Variants in ADSS1 observed in about 807,000 individuals in gnomAD.
ADSS1 encodes adenylosuccinate synthase 1.
A neutral mutation model predicts 59.1 loss-of-function variants in ADSS1; 57 were observed. That is an observed-to-expected ratio of 0.97 (90% CI 0.78 to 1.20). The LOEUF is 1.20. Among genes scored for constraint, ADSS1 ranks in the 50% most tolerant of loss-of-function variants. The probability of loss-of-function intolerance (pLI) is 0.00; values close to 1 mark genes in which losing one functional copy is unlikely to be tolerated. For missense variants in ADSS1, 603 were observed against 610.3 expected (o/e 0.99, Z 0.13); for synonymous variants, 247 against 249.4 (o/e 0.99, Z 0.09).
chr14:104,725,677 G>A (rs1242532510), intron 1 of ADSS1, among the ~76,000 whole-genome samples: 1 of 152,160 alleles, frequency 6.6e-6, no homozygotes, highest in Admixed American at 6.5e-5. Context: ...CTCAGCCCAT[G>A]CTCCCTCCAC....
chr14:104,736,881 GATATATATATATATAT>G (rs57122419), intron 2 of ADSS1, among the ~76,000 whole-genome samples: 137 of 106,500 alleles, frequency 1.3e-3, no homozygotes, highest in Non-Finnish European at 1.6e-3. Context: ...GCACCTAGCT[GATATATATATATATAT>G]ATATATATAT....
chr14:104,730,549 G>A (rs1162978932), intron 1 of ADSS1, among the ~76,000 whole-genome samples: 1 of 152,182 alleles, frequency 6.6e-6, no homozygotes, highest in Non-Finnish European at 1.5e-5. Context: ...GGCAGCCCTG[G>A]AGACTATAGA....
At position 104,746,984 on chromosome 14, in the gene ADSS1, C is replaced by T. The variant is rs146322396; in HGVS notation, c.1355C>T (p.Ser452Leu). The T allele has an allele frequency of 4.3e-5, 69 of 1,614,002 alleles. 1 individual carries two copies. In the South Asian group the frequency reaches 4.6e-4, roughly 11 times the overall value. ...KWVGVGKSRE[S>L]MIQLF ...GTTGGTGTTGGCAAGTCAAGAGAGT[C>T]GATGATCCAGCTGTTTTAGTCACAG... The change falls in exon 13 of 13, where the codon TCG becomes TTG. Residue 452 changes from serine to leucine, a missense_variant. By Grantham distance (145) the Ser-to-Leu change is moderately radical (BLOSUM62 -2). Coordinates refer to ENST00000330877, the MANE Select transcript of ADSS1 (RefSeq NM_152328.5).
At position 104,744,810 on chromosome 14, in the gene ADSS1, A is replaced by C. The variant is rs145054331; in HGVS notation, c.1074-2A>C. On this transcript the variant is annotated splice_acceptor_variant, in intron 10 of 12. Transcript: ENST00000330877. LOFTEE classifies it high-confidence loss of function. ...TTTGCCCGGCCCCTTGGCTTTCCAC[A>C]GGCTGGCCCTGACGAAGCTGGACAT... The C allele has an allele frequency of 1.2e-6, 2 of 1,613,998 alleles. No homozygotes were observed. The highest frequency in any genetic ancestry group is 1.7e-6 in the Non-Finnish European group (2 of 1,180,006).
At chr14:104,726,189 C>T (rs949626673) in intron 1 of ADSS1, among the ~76,000 whole-genome samples, 2 of 152,236 alleles carry the variant, frequency 1.3e-5, no homozygotes, top group African/African-American at 4.8e-5. Flanking sequence ...CCACACCTGT[C>T]CCCCTGCAGC....
At chr14:104,724,779 G>A (rs1286351579) in intron 1 of ADSS1, among the ~76,000 whole-genome samples, 1 of 152,136 alleles carries the variant, frequency 6.6e-6, no homozygotes, top group East Asian at 1.9e-4. Flanking sequence ...CCATGGGTGT[G>A]ACGCTGGACC....
chr14:104,742,947 G>A, intron 9 of ADSS1, 120 bp from the exon 10 acceptor site: 1 of 1,445,270 alleles, frequency 6.9e-7, no homozygotes, highest in African/African-American at 1.4e-5. Flanking sequence ...GACTGTCGGT[G>A]GAGGCGGGGC....
chr14:104,735,205 C>T, intron 2 of ADSS1, 83 bp downstream of exon 2: 1 of 1,279,510 alleles, frequency 7.8e-7, no homozygotes, highest in Non-Finnish European at 1.1e-6. Context: ...GGGCACGGGG[C>T]ACCAGAGCCT....
chr14:104,724,430 GC>G lies in ADSS1; in HGVS notation c.162del (p.Thr55ArgfsTer67). ...CAAAGGCAAGGTGGTGGACCTGCTGGCCACGGACGCCGACATCATCAGCCGC... is the reference window on the plus strand; with the variant it reads ...CAAAGGCAAGGTGGTGGACCTGCTGGCACGGACGCCGACATCATCAGCCGC... ...EGKGKVVDLL[A>X]TDADIISRCQ... On this transcript the variant is annotated frameshift_variant, in exon 1 of 13. Transcript: ENST00000330877. LOFTEE classifies it high-confidence loss of function. The G allele has an allele frequency of 7.9e-7, 1 of 1,260,470 alleles. No homozygotes were observed. Among genetic ancestry groups the G allele is most frequent in the Non-Finnish European group, 1.0e-6 (1 of 997,826 alleles). The allele number at this position is 1,260,470 out of a possible 1,614,324, so 78.1% of individuals were successfully genotyped here.
At chr14:104,736,538 G>A (rs1360051145) in intron 2 of ADSS1, among the ~76,000 whole-genome samples, 7 of 152,114 alleles carry the variant, frequency 4.6e-5, no homozygotes, top group Non-Finnish European at 8.8e-5. Flanking sequence ...GGCTTGCGTC[G>A]TCTCCGGGTC....
At chr14:104,732,018 GC>G (rs1164960391) in intron 1 of ADSS1, among the ~76,000 whole-genome samples, 1 of 152,226 alleles carries the variant, frequency 6.6e-6, no homozygotes, top group Non-Finnish European at 1.5e-5. Flanking sequence ...CCTCCGGACT[GC>G]CCTGCACACC....
At chr14:104,735,532 G>A (rs902988094) in intron 2 of ADSS1, among the ~76,000 whole-genome samples, 1 of 152,182 alleles carries the variant, frequency 6.6e-6, no homozygotes, top group African/African-American at 2.4e-5. Context: ...TCGCTGCGTG[G>A]CGACCAGGCT....
intron 3 of ADSS1, 110 bp from the exon 4 acceptor site, chr14:104,739,218 C>A: frequency 8.5e-7 from 1 of 1,178,546 alleles, no homozygotes; most frequent in Admixed American, 2.1e-5. Context: ...CTCCTCCCTG[C>A]ATGCCTTACC....
chr14:104,739,782 C>T lies in ADSS1; in HGVS notation c.442C>T (p.Gln148Ter), dbSNP rs781756056. 1.2e-6 allele frequency: 2 copies of T among 1,613,932 alleles called. No individual in the cohort carries two copies. The highest frequency in any genetic ancestry group is 3.3e-5 in the Admixed American group (2 of 60,008). The change falls in exon 5 of 13, where the codon CAG becomes TAG. Residue 148 changes from glutamine to a stop codon, truncating the protein, a stop_gained. Transcript: ENST00000330877. LOFTEE classifies it high-confidence loss of function. ...TTTTCACCAGGCTGTCGACGGACTT[C>T]AGGAAGTGCAGCGCCAGGCACAAGA... ...FDFHQAVDGLQEVQRQAQEGK... is the reference protein window; with the variant it reads ...FDFHQAVDGL
rs372820652 is a variant in ADSS1 at position 104,742,001 on chromosome 14, A to T, written c.947A>T (p.Asn316Ile). ...GIGAFPTEQI[N>I]EIGGLLQTRG... ...GGGGCCTTCCCCACCGAGCAGATCAACGTGAGTCCCCAGCCCCTCGGGACC... is the reference window on the plus strand; with the variant it reads ...GGGGCCTTCCCCACCGAGCAGATCATCGTGAGTCCCCAGCCCCTCGGGACC... The change falls in exon 9 of 13, where the codon AAC becomes ATC. Residue 316 changes from asparagine to isoleucine, a missense_variant and splice_region_variant. Asn to Ile is a moderately radical substitution (Grantham distance 149). Transcript: ENST00000330877. 11 of 1,612,590 alleles carry T rather than the reference A, an allele frequency of 6.8e-6. No individual in the cohort carries two copies. The highest frequency in any genetic ancestry group is 9.3e-6 in the Non-Finnish European group (11 of 1,179,842).
rs758261817 is a variant in ADSS1 at position 104,739,282 on chromosome 14, A to G, written c.359-46A>G. ...CTCTGGCCCCTCACGTGTGAGCTGC[A>G]GCGCACCTGTGAACACTGACCCACC... On this transcript the variant is annotated intron_variant, in intron 3 of 12. Coordinates refer to ENST00000330877, the MANE Select transcript of ADSS1 (RefSeq NM_152328.5). 2.3e-5 allele frequency: 36 copies of G among 1,583,872 alleles called. No individual in the cohort carries two copies. The East Asian group carries it at 3.9e-4, about 17-fold the overall frequency.
At chr14:104,739,894 C>T in intron 5 of ADSS1, 78 bp downstream of exon 5, 1 of 1,504,414 alleles carries the variant, frequency 6.6e-7, no homozygotes, top group Admixed American at 1.7e-5. Flanking sequence ...CGTGTCTGGT[C>T]CTGGGCACAA....
At position 104,739,737 on chromosome 14, in the gene ADSS1, G is replaced by C. The variant is rs1891265984; in HGVS notation, c.410-13G>C. Reference sequence around the variant, plus strand: ...TCCTGTCTCCTGCTGCCCTCACCTGGCCCGCCCGACAGTGTTTGATTTTCA... The same window carrying C: ...TCCTGTCTCCTGCTGCCCTCACCTGCCCCGCCCGACAGTGTTTGATTTTCA... On this transcript the variant is annotated splice_polypyrimidine_tract_variant and intron_variant, in intron 4 of 12. Transcript: ENST00000330877. The C allele has an allele frequency of 4.3e-6, 7 of 1,613,598 alleles. No individual in the cohort carries two copies. Among genetic ancestry groups the C allele is most frequent in the Non-Finnish European group, 5.9e-6 (7 of 1,179,954 alleles).
chr14:104,726,220 C>T (rs1247959095), intron 1 of ADSS1, among the ~76,000 whole-genome samples: 4 of 152,252 alleles, frequency 2.6e-5, no homozygotes, highest in Non-Finnish European at 5.9e-5. Context: ...GCCAGTGAGG[C>T]AGGATCATCC....
Sources: gnomAD v4.1 joint callset for allele counts (sites outside exome capture counted in the v4.1 genomes callset) on GRCh38, gnomAD v4.1.1 for gene constraint, MANE v1.5 for transcripts, NCBI Gene and HGNC (gene_info 2026-07-23, HGNC 2026-07-21) for gene names.